CHL1: variants seen among roughly 807,000 people sequenced by gnomAD.
CHL1 encodes cell adhesion molecule L1 like.
Under a neutral mutation model 141.9 loss-of-function variants are expected in CHL1, and 96 were observed. The ratio of observed to expected loss-of-function variants is 0.68; its 90% CI spans 0.57 to 0.80. The LOEUF is 0.80. Ranked by LOEUF, CHL1 falls within the 30% of genes least tolerant of loss-of-function variation. The pLI is 0.00. For missense variants in CHL1, 1,820 were observed against 1,457.2 expected, an observed-to-expected ratio of 1.25 and a Z score of -4.05; for synonymous variants, 613 against 502.2, an observed-to-expected ratio of 1.22 and a Z score of -2.95.
chr3:251,753 G>A (rs748939325), intron 2 of CHL1, among the ~76,000 whole-genome samples: 1 of 152,012 alleles, frequency 6.6e-6, no homozygotes, highest in Non-Finnish European at 1.5e-5. Context: ...CCACCCGTTA[G>A]CGATTTTACT....
rs73815864 is a variant in CHL1, at chr3:292,863, G to C, written c.-94-26820G>C. ...ACTATCATGGACAGCACCCAGCCATGAGGGATCTACCCGCATCACCCAGAT... is the reference window on the plus strand; with the variant it reads ...ACTATCATGGACAGCACCCAGCCATCAGGGATCTACCCGCATCACCCAGAT... On this transcript the variant is annotated intron_variant, in intron 2 of 27. Coordinates refer to ENST00000256509, the MANE Select transcript of CHL1 (RefSeq NM_006614.4). 9.0e-3 allele frequency among the ~76,000 whole-genome samples: 1,367 copies of C among 152,256 alleles called. 17 individuals carry two copies. The highest frequency in any genetic ancestry group is 0.031 in the African/African-American group (1,305 of 41,538).
At chr3:351,463 G>A (rs1305494626) in intron 10 of CHL1, among the ~76,000 whole-genome samples, 1 of 152,034 alleles carries the variant, frequency 6.6e-6, no homozygotes, top group Non-Finnish European at 1.5e-5. Context: ...TTTTTCTAAA[G>A]TGTGGAGGTA....
chr3:244,434 G>A (rs1388881047), intron 1 of CHL1, among the ~76,000 whole-genome samples, 179 bp from the exon 2 acceptor site: 2 of 152,126 alleles, frequency 1.3e-5, no homozygotes, highest in Non-Finnish European at 2.9e-5. Context: ...AAATTCGCAG[G>A]ACCCCTTTTT....
intron 3 of CHL1, among the ~76,000 whole-genome samples, chr3:323,138 G>A (rs185907988): frequency 6.6e-6 from 1 of 151,984 alleles, no homozygotes; most frequent in African/African-American, 2.4e-5. Context: ...ACAAATTATG[G>A]TTGTTCAGAT....
chr3:334,570 T>A (rs1701710939), intron 5 of CHL1, among the ~76,000 whole-genome samples: 1 of 152,224 alleles, frequency 6.6e-6, no homozygotes, highest in South Asian at 2.1e-4. Flanking sequence ...TCACTTAGCA[T>A]GTTTTGGAGG....
chr3:268,339 G>C (rs1472488122), intron 2 of CHL1, among the ~76,000 whole-genome samples: 1 of 152,040 alleles, frequency 6.6e-6, no homozygotes, highest in Non-Finnish European at 1.5e-5. Context: ...TTTGAGAGCA[G>C]TCTGGCTAAC....
chr3:356,740 G>A (rs7628476), intron 11 of CHL1, among the ~76,000 whole-genome samples: 79,112 of 151,872 alleles, frequency 0.52, 21,849 homozygotes, highest in Admixed American at 0.68. Flanking sequence ...GGAGAAAAGA[G>A]GTGAGTGTGA....
chr3:274,546 A>G (rs1042543122), intron 2 of CHL1, among the ~76,000 whole-genome samples: 2 of 152,238 alleles, frequency 1.3e-5, no homozygotes, highest in Admixed American at 6.5e-5. Context: ...CTAATCTCAG[A>G]TGCTGTACTA....
chr3:286,242 C>T (rs999518288), intron 2 of CHL1, among the ~76,000 whole-genome samples: 1 of 152,086 alleles, frequency 6.6e-6, no homozygotes, highest in African/African-American at 2.4e-5. Context: ...GATCCATGCC[C>T]CAAAAGTGGG....
At chr3:404,226 T>G (rs934618232) in intron 27 of CHL1, among the ~76,000 whole-genome samples, 4 of 152,210 alleles carry the variant, frequency 2.6e-5, no homozygotes, top group African/African-American at 7.2e-5. Context: ...TGCTCACTTT[T>G]TTTTTAAACC....
At chr3:364,269 T>A (rs1405588390) in intron 14 of CHL1, among the ~76,000 whole-genome samples, 2 of 152,212 alleles carry the variant, frequency 1.3e-5, no homozygotes, top group Non-Finnish European at 2.9e-5. Context: ...CAGACTATAT[T>A]TTTAAAGCAC....
chr3:293,445 G>T (rs77030744), intron 2 of CHL1, among the ~76,000 whole-genome samples: 12,810 of 152,140 alleles, frequency 0.084, 624 homozygotes, highest in African/African-American at 0.12. Flanking sequence ...GAAGGTTGCA[G>T]TGGGCTGAGA....
intron 2 of CHL1, chr3:247,760 C>A (rs970661090): frequency 2.6e-5 from 4 of 152,044 alleles, no homozygotes; most frequent in African/African-American, 9.7e-5. Flanking sequence ...AGAAGTTCAC[C>A]TCTGTTAAAT....
chr3:314,176 G>A (rs1363787916), intron 2 of CHL1, among the ~76,000 whole-genome samples: 2 of 151,280 alleles, frequency 1.3e-5, no homozygotes, highest in African/African-American at 4.9e-5. Flanking sequence ...TACTGCTGTT[G>A]AAATATTTTA....
intron 3 of CHL1, among the ~76,000 whole-genome samples, chr3:325,073 C>T (rs952907586): frequency 3.3e-5 from 5 of 150,850 alleles, no homozygotes; most frequent in African/African-American, 1.2e-4. Context: ...AACAAAACTT[C>T]CAATAGATAA....
At position 361,716 on chromosome 3, in the gene CHL1, C is replaced by G. The variant is rs763877004; in HGVS notation, c.1324C>G (p.Gln442Glu). 1.3e-5 allele frequency: 21 copies of G among 1,612,304 alleles called. No individual in the cohort carries two copies. Among genetic ancestry groups the G allele is most frequent in the South Asian group, 6.6e-5 (6 of 91,026 alleles). The change falls in exon 13 of 28, where the codon CAA becomes GAA. Residue 442 changes from glutamine to glutamate, a missense_variant. By Grantham distance (29) the Gln-to-Glu change is conservative. Transcript: ENST00000256509. ...TCAAATAGATGTCCGTCCATTGATACAAACCAAAGATGGAGAAAATTACGC... is the reference window on the plus strand; with the variant it reads ...TCAAATAGATGTCCGTCCATTGATAGAAACCAAAGATGGAGAAAATTACGC... Reference protein sequence around the residue: ...IDVVDVRPLIQTKDGENYATV... With the variant: ...IDVVDVRPLIETKDGENYATV...
chr3:208,800 G>C (rs1255282867), intron 1 of CHL1, among the ~76,000 whole-genome samples: 2 of 152,074 alleles, frequency 1.3e-5, no homozygotes, highest in South Asian at 2.1e-4. Context: ...AATAAAACTG[G>C]AGACCTTGAA....
intron 1 of CHL1, among the ~76,000 whole-genome samples, chr3:231,737 TG>T (rs1419784565): frequency 1.3e-5 from 2 of 151,796 alleles, no homozygotes; most frequent in African/African-American, 4.8e-5. Context: ...CCACCATGCC[TG>T]GCTAATTTTT....
chr3:266,046 A>T (rs1695121083), intron 2 of CHL1, among the ~76,000 whole-genome samples: 1 of 152,224 alleles, frequency 6.6e-6, no homozygotes, highest in African/African-American at 2.4e-5. Flanking sequence ...AGCTCTCAGA[A>T]GATTTGTAAA....
Sources: gnomAD v4.1 joint callset for allele counts (sites outside exome capture counted in the v4.1 genomes callset) on GRCh38, gnomAD v4.1.1 for gene constraint, MANE v1.5 for transcripts, NCBI Gene and HGNC (gene_info 2026-07-23, HGNC 2026-07-21) for gene names.